The following PSMB8 variants were observed in gnomAD, a reference collection of about 807,000 sequenced individuals.
PSMB8 encodes proteasome subunit beta type-8.
In PSMB8, 20 loss-of-function variants were observed where a neutral mutation model predicts 32.3. That is an observed-to-expected ratio of 0.62 (90% CI 0.44 to 0.90). PSMB8 has a LOEUF of 0.90. PSMB8 is among the 40% of genes least tolerant of loss of function. PSMB8 has a pLI of 0.00. For missense variants in PSMB8, 342 were observed against 365.4 expected, an observed-to-expected ratio of 0.94 and a Z score of 0.52; for synonymous variants, 131 against 135.4, an observed-to-expected ratio of 0.97 and a Z score of 0.23.
At chr6:32,844,676 G>A, upstream of PSMB8, 1 of 513,668 alleles carries the variant, frequency 1.9e-6, no homozygotes, top group South Asian at 2.3e-5. Context: ...GCACTGCGGA[G>A]TTTCACGCCT....
intron 1 of PSMB8, 147 bp from the exon 2 acceptor site, chr6:32,843,236 G>A: frequency 2.2e-6 from 2 of 928,054 alleles, no homozygotes; most frequent in Non-Finnish European, 3.4e-6. Flanking sequence ...CCAATCTCTA[G>A]AAGGAAATGG....
chr6:32,843,220 T>C, intron 1 of PSMB8, 131 bp from the exon 2 acceptor site: 1 of 1,027,400 alleles, frequency 9.7e-7, no homozygotes, highest in Non-Finnish European at 1.5e-6. Context: ...ATGAAACAGT[T>C]AATAACCAAT....
At chr6:32,844,196 G>GGGTC (rs1770154632), upstream of PSMB8, 4 of 1,562,368 alleles carry the variant, frequency 2.6e-6, no homozygotes. Context: ...GGGGAATGAT[G>GGGTC]GGTCAAGGGT....
chr6:32,840,992 G>A lies in PSMB8; in HGVS notation c.798C>T (p.Asp266=). The A allele has an allele frequency of 1.2e-6, 2 of 1,613,732 alleles. No individual in the cohort carries two copies. The highest frequency in any genetic ancestry group is 1.7e-6 in the Non-Finnish European group (2 of 1,179,676). ...TGGCTTCCCGGTACTGGTGCAGCAG[G>A]TCACTGACATCTGTACTTTCTACTT... ...WVKVESTDVS[D]LLHQYREANQ is the part of the protein sequence containing the mutation. Residue 266 remains aspartate, a synonymous_variant, in exon 6 of 6, where the codon GAC becomes GAT. Transcript: ENST00000374882.
chr6:32,841,116 G>A (rs1769874950), intron 5 of PSMB8, 69 bp from the exon 6 acceptor site: 15 of 1,319,164 alleles, frequency 1.1e-5, no homozygotes, highest in African/African-American at 8.7e-5. Context: ...CTGATGTTAT[G>A]TTGAAGGCAG....
At chr6:32,841,919 C>G (rs554095203) in intron 4 of PSMB8, 184 bp from the exon 5 acceptor site, 1 of 1,004,086 alleles carries the variant, frequency 1.0e-6, no homozygotes, top group Non-Finnish European at 1.5e-6. Context: ...AACTTGAAAT[C>G]AACTGTTTAA....
In PSMB8 at chr6:32,843,046, T is replaced by A. The variant is rs140150936; in HGVS notation, c.191A>T (p.Asn64Ile). Reference sequence around the variant, plus strand: ...GCCATGGGCCATCTCAATCTGAACGTTCCTTTCTCCGTCCCCACCCAGGGA... The same window carrying A: ...GCCATGGGCCATCTCAATCTGAACGATCCTTTCTCCGTCCCCACCCAGGGA... ...FQSLGGDGERNVQIEMAHGTT... is the reference protein window; with the variant it reads ...FQSLGGDGERIVQIEMAHGTT... Residue 64 changes from asparagine to isoleucine, a missense_variant, in exon 2 of 6, where the codon AAC (asparagine) becomes ATC (isoleucine). Asn to Ile is a moderately radical substitution (Grantham distance 149). Coordinates refer to ENST00000374882, the MANE Select transcript of PSMB8 (RefSeq NM_148919.4). 3 of 1,612,986 alleles carry A rather than the reference T, an allele frequency of 1.9e-6. No individual in the cohort carries two copies. The African/African-American group carries it at 4.0e-5, about 22-fold the overall frequency.
At chr6:32,844,379 G>T (rs774180876), upstream of PSMB8, 1 of 1,614,036 alleles carries the variant, frequency 6.2e-7, no homozygotes, top group African/African-American at 1.3e-5. Context: ...GGAGCTGGGA[G>T]TAGTGTCACG....
chr6:32,842,944 A>G lies in PSMB8; in HGVS notation c.293T>C (p.Ile98Thr), dbSNP rs753139724. 6.2e-7 allele frequency: 1 copy of G among 1,613,598 alleles called. No homozygotes were observed. Residue 98 changes from isoleucine to threonine, a missense_variant and splice_region_variant, in exon 2 of 6, where the codon ATT becomes ACT. By Grantham distance (89) the Ile-to-Thr change is moderately conservative. Transcript: ENST00000374882. Reference protein sequence around the residue: ...VDSRASAGSYISALRVNKVIE... With the variant: ...VDSRASAGSYTSALRVNKVIE... ...CCTGCTGGAGCGTATACACTCACTA[A>G]TGTAGGACCCAGCTGAGGCCCGAGA...
chr6:32,841,403 A>T, intron 5 of PSMB8, 128 bp downstream of exon 5: 1 of 988,682 alleles, frequency 1.0e-6, no homozygotes, highest in Non-Finnish European at 1.6e-6. Flanking sequence ...ACGTCCGGCT[A>T]ATTTTTGTAG....
rs1240259425 is a variant in PSMB8, at chr6:32,843,071, A to C, written c.166T>G (p.Ser56Ala). 1 of 1,612,980 alleles carries C rather than the reference A, an allele frequency of 6.2e-7. No homozygotes were observed. Among genetic ancestry groups the C allele is most frequent in the Non-Finnish European group, 8.5e-7 (1 of 1,180,038 alleles). The change falls in exon 2 of 6, where the codon TCC becomes GCC. Residue 56 changes from serine to alanine, a missense_variant. Coordinates refer to ENST00000374882, the MANE Select transcript of PSMB8 (RefSeq NM_148919.4). ...RGMQPTEFFQ[S>A]LGGDGERNVQ... ...TTCCTTTCTCCGTCCCCACCCAGGG[A>C]CTGGAAGAATTCTGTGGGCTGATAA...
intron 3 of PSMB8, 49 bp downstream of exon 3, chr6:32,842,623 C>T: frequency 6.9e-7 from 1 of 1,442,016 alleles, no homozygotes; most frequent in Non-Finnish European, 9.8e-7. Flanking sequence ...CTGAGAGATC[C>T]AGGGATTAAC....
chr6:32,841,450 C>A, intron 5 of PSMB8, 81 bp downstream of exon 5: 2 of 1,429,760 alleles, frequency 1.4e-6, no homozygotes, highest in Non-Finnish European at 2.0e-6. Context: ...GTTGGCCAGG[C>A]TGGTTTCTCA....
At chr6:32,841,131 A>G in intron 5 of PSMB8, 84 bp from the exon 6 acceptor site, 1 of 1,181,306 alleles carries the variant, frequency 8.5e-7, no homozygotes, top group Non-Finnish European at 1.3e-6. Context: ...AGGCAGCAAC[A>G]AGACACATGC....
chr6:32,843,792 C>A, intron 1 of PSMB8, 58 bp downstream of exon 1: 2 of 1,602,322 alleles, frequency 1.2e-6, no homozygotes, highest in Non-Finnish European at 1.7e-6. Flanking sequence ...CTCAGGCGAC[C>A]CTCCACTCCT....
chr6:32,842,243 C>G lies in PSMB8; in HGVS notation c.428G>C (p.Gly143Ala), dbSNP rs1195196270. 1.9e-6 allele frequency: 3 copies of G among 1,612,980 alleles called. No individual in the cohort carries two copies. The highest frequency in any genetic ancestry group is 2.5e-6 in the Non-Finnish European group (3 of 1,180,054). ...GGCTGCCGACACTGAAATACGTTCT[C>G]CATTTCGCAGATAGTACAGCCTGGG... ...KECRLYYLRNGERISVSAASK... is the reference protein window; with the variant it reads ...KECRLYYLRNAERISVSAASK... The change falls in exon 4 of 6, where the codon GGA (glycine) becomes GCA (alanine). Residue 143 changes from glycine (G) to alanine (A), a missense_variant. Coordinates refer to ENST00000374882, the MANE Select transcript of PSMB8 (RefSeq NM_148919.4).
chr6:32,841,734 C>T lies in PSMB8; in HGVS notation c.539G>A (p.Gly180Asp), dbSNP rs757141658. The T allele has an allele frequency of 9.9e-6, 16 of 1,612,248 alleles. No individual in the cohort carries two copies. Among genetic ancestry groups the T allele is most frequent in the Admixed American group, 1.7e-5 (1 of 59,996 alleles). ...GSMICGWDKK[G>D]PGLYYVDEHG... ...TTCATCCACGTAGTAGAGTCCAGGA[C>T]CCTATAAGATGAAAGATTTCAGGCT... Residue 180 changes from glycine (G) to aspartate (D), a missense_variant and splice_region_variant, in exon 5 of 6, where the codon GGT (glycine) becomes GAT (aspartate). Coordinates refer to ENST00000374882, the MANE Select transcript of PSMB8 (RefSeq NM_148919.4).
chr6:32,844,500 C>T (rs1770197666), upstream of PSMB8: 1 of 1,532,288 alleles, frequency 6.5e-7, no homozygotes, highest in Admixed American at 1.7e-5. Context: ...AATATACCCG[C>T]CGCGTGTAGG....
upstream of PSMB8, chr6:32,844,650 C>A: frequency 1.8e-6 from 1 of 563,058 alleles, no homozygotes; most frequent in East Asian, 3.0e-5. Flanking sequence ...CCTAGCGTTG[C>A]TCCCTGCTTG....
Sources: gnomAD v4.1 joint callset for allele counts on GRCh38, gnomAD v4.1.1 for gene constraint, MANE v1.5 for transcripts, NCBI Gene and HGNC (gene_info 2026-07-23, HGNC 2026-07-21) for gene names.